The following ADAMTSL3 variants were observed in gnomAD, a reference collection of about 807,000 sequenced individuals.
ADAMTSL3 encodes the protein ADAMTS like 3.
A neutral mutation model predicts 201.7 loss-of-function variants in ADAMTSL3; 128 were observed. The observed-to-expected ratio is 0.63, with a 90% CI of 0.55 to 0.73. The LOEUF is 0.73. ADAMTSL3 is among the 30% of genes least tolerant of loss of function. The pLI is 0.00. For synonymous variants in ADAMTSL3, 738 were observed against 748.4 expected, an observed-to-expected ratio of 0.99 and a Z score of 0.23; for missense variants, 1,990 against 2,119.6, an observed-to-expected ratio of 0.94 and a Z score of 1.20.
At chr15:83,734,782 G>C (rs956012076) in intron 3 of ADAMTSL3, among the ~76,000 whole-genome samples, 2 of 152,082 alleles carry the variant, frequency 1.3e-5, no homozygotes, top group African/African-American at 4.8e-5. Context: ...GCCCCCAGGG[G>C]TCACTCTCAA....
At chr15:83,907,448 G>T (rs1225154722) in intron 15 of ADAMTSL3, among the ~76,000 whole-genome samples, 1 of 152,208 alleles carries the variant, frequency 6.6e-6, no homozygotes, top group Admixed American at 6.5e-5. Context: ...CTGTCACCCA[G>T]GCTGGAGTGC....
intron 9 of ADAMTSL3, among the ~76,000 whole-genome samples, chr15:83,883,704 G>C (rs972532068): frequency 4.0e-5 from 6 of 151,570 alleles, no homozygotes; most frequent in African/African-American, 1.2e-4. Context: ...TGGGACTACA[G>C]GTGCATGCCA....
At chr15:83,859,866 A>AT (rs1447566730) in intron 8 of ADAMTSL3, among the ~76,000 whole-genome samples, 3 of 152,188 alleles carry the variant, frequency 2.0e-5, no homozygotes, top group African/African-American at 7.2e-5. Flanking sequence ...CAAATAAACT[A>AT]TTTTTGTATA....
At position 83,982,878 on chromosome 15, in the gene ADAMTSL3, G is replaced by A. The variant is rs767615605; in HGVS notation, c.3250G>A (p.Val1084Ile). 1.6e-5 allele frequency: 26 copies of A among 1,613,934 alleles called. No individual in the cohort carries two copies. Among genetic ancestry groups the A allele is most frequent in the Middle Eastern group, 1.6e-4 (1 of 6,084 alleles). ...GAAGAATAAGCAGTTTGAAGCAGCA[G>A]TTAAACAAGGAGCATATAGCATGGA... ...ELKNKQFEAA[V>I]KQGAYSMDTA... Residue 1084 changes from valine to isoleucine, a missense_variant, in exon 21 of 30, where the codon GTT (valine) becomes ATT (isoleucine). Coordinates refer to ENST00000286744, the MANE Select transcript of ADAMTSL3 (RefSeq NM_207517.3).
Position 84,009,721 on chromosome 15 carries a change from G to A in ADAMTSL3, c.3974-4821G>A, listed in dbSNP as rs116601655. Among the ~76,000 whole-genome samples, 1,399 of 152,256 alleles carry A rather than the reference G, an allele frequency of 9.2e-3. 18 individuals are homozygous for A. The highest frequency in any genetic ancestry group is 0.03 in the African/African-American group (1,254 of 41,552). ...AACTAGAGTTGGTGAAAAGGTCACC[G>A]ACTCCTGAATCCTATCTGTGGACCC... On this transcript the variant is annotated intron_variant, in intron 23 of 29. Transcript: ENST00000286744.
At chr15:84,014,240 C>T (rs2068050437) in intron 23 of ADAMTSL3, among the ~76,000 whole-genome samples, 1 of 152,152 alleles carries the variant, frequency 6.6e-6, no homozygotes, top group South Asian at 2.1e-4. Flanking sequence ...ACTCCCACTA[C>T]CCTACCCACC....
chr15:83,847,042 A>G (rs2064512387), intron 7 of ADAMTSL3, among the ~76,000 whole-genome samples: 1 of 152,212 alleles, frequency 6.6e-6, no homozygotes, highest in African/African-American at 2.4e-5. Flanking sequence ...GTAAATAAAC[A>G]TACGTCAGGT....
intron 25 of ADAMTSL3, among the ~76,000 whole-genome samples, chr15:84,019,971 A>G (rs1036580263): frequency 2.6e-5 from 4 of 151,946 alleles, no homozygotes; most frequent in Non-Finnish European, 4.4e-5. Context: ...AAACTAATGT[A>G]TACTGATAGA....
At chr15:83,821,124 T>C (rs1006139525) in intron 6 of ADAMTSL3, among the ~76,000 whole-genome samples, 2 of 152,060 alleles carry the variant, frequency 1.3e-5, no homozygotes, top group Non-Finnish European at 2.9e-5. Flanking sequence ...GAGACAGGGA[T>C]GGCAGGGAAA....
intron 6 of ADAMTSL3, among the ~76,000 whole-genome samples, chr15:83,823,038 T>A (rs1195491399): frequency 6.6e-6 from 1 of 151,464 alleles, no homozygotes; most frequent in African/African-American, 2.4e-5. Context: ...ACCAAAAAAA[T>A]ACGAAAACCA....
intron 3 of ADAMTSL3, among the ~76,000 whole-genome samples, chr15:83,750,687 G>A (rs1263041242): frequency 6.6e-6 from 1 of 152,058 alleles, no homozygotes; most frequent in Non-Finnish European, 1.5e-5. Context: ...GAATAGCTGG[G>A]ACTACAGGCA....
At chr15:83,732,754 T>G (rs2062301379) in intron 3 of ADAMTSL3, among the ~76,000 whole-genome samples, 1 of 152,214 alleles carries the variant, frequency 6.6e-6, no homozygotes, top group Non-Finnish European at 1.5e-5. Context: ...ATTATCTTTC[T>G]ACCTCATACA....
Position 83,838,123 on chromosome 15 carries a change from C to G in ADAMTSL3, c.635C>G (p.Ala212Gly), listed in dbSNP as rs1596299283. 6.2e-7 allele frequency: 1 copy of G among 1,612,324 alleles called. No individual in the cohort carries two copies. The highest frequency in any genetic ancestry group is 2.2e-5 in the East Asian group (1 of 44,746). ...TGCGATCGGCAACTGGGAAGCAATG[C>G]CAAGGAGGACAACTGTGGAGTCTGT... ...VGCDRQLGSN[A>G]KEDNCGVCAG... The change falls in exon 7 of 30, where the codon GCC (alanine) becomes GGC (glycine). Residue 212 changes from alanine to glycine, a missense_variant. Coordinates refer to ENST00000286744, the MANE Select transcript of ADAMTSL3 (RefSeq NM_207517.3).
At position 83,922,670 on chromosome 15, in the gene ADAMTSL3, C is replaced by A. The variant is rs183266172; in HGVS notation, c.1988-1234C>A. ...ATGCAGATTTAATACTGCATCCTGC[C>A]ATGGCAGGGAACATAAAATTACAAC... is the stretch of plus-strand genomic sequence containing the variant. On this transcript the variant is annotated intron_variant, in intron 16 of 29. Coordinates refer to ENST00000286744, the MANE Select transcript of ADAMTSL3 (RefSeq NM_207517.3). Among the ~76,000 whole-genome samples, 266 of 152,270 alleles carry A rather than the reference C, an allele frequency of 1.7e-3. 6 individuals carry two copies. The East Asian group carries it at 0.049, about 28-fold the overall frequency.
intron 3 of ADAMTSL3, among the ~76,000 whole-genome samples, chr15:83,741,853 C>G (rs1389944764): frequency 6.6e-6 from 1 of 152,056 alleles, no homozygotes; most frequent in Non-Finnish European, 1.5e-5. Context: ...CAAAAATTAG[C>G]TAGACTACTT....
Position 83,789,690 on chromosome 15 carries a change from T to C in ADAMTSL3, c.318-14960T>C, listed in dbSNP as rs553988812. ...AGCTGGGATCTCAGCATTAAATACA[T>C]TAATTTGTATTTAATCCCTGTTTTC... On this transcript the variant is annotated intron_variant, in intron 4 of 29. Coordinates refer to ENST00000286744, the MANE Select transcript of ADAMTSL3 (RefSeq NM_207517.3). Among the ~76,000 whole-genome samples, 7 of 152,310 alleles carry C rather than the reference T, an allele frequency of 4.6e-5. No individual in the cohort carries two copies. In the South Asian group the frequency reaches 1.2e-3, roughly 27 times the overall value.
At chr15:83,789,174 T>A (rs2063307724) in intron 4 of ADAMTSL3, among the ~76,000 whole-genome samples, 1 of 152,314 alleles carries the variant, frequency 6.6e-6, no homozygotes, top group East Asian at 1.9e-4. Flanking sequence ...AGTTTTCTCT[T>A]TGTTCATTTG....
chr15:83,775,206 A>C (rs566172549), intron 4 of ADAMTSL3, among the ~76,000 whole-genome samples: 81 of 152,194 alleles, frequency 5.3e-4, no homozygotes, highest in Non-Finnish European at 1.1e-3. Flanking sequence ...CATGGGGGAG[A>C]AGTTTCCAGC....
chr15:83,792,748 A>C (rs190011911), intron 4 of ADAMTSL3, among the ~76,000 whole-genome samples: 83 of 151,780 alleles, frequency 5.5e-4, no homozygotes, highest in Non-Finnish European at 1.0e-3. Flanking sequence ...GTGCCACTGC[A>C]CACCATGCAC....
Sources: gnomAD v4.1 joint callset for allele counts (sites outside exome capture counted in the v4.1 genomes callset) on GRCh38, gnomAD v4.1.1 for gene constraint, MANE v1.5 for transcripts, NCBI Gene and HGNC (gene_info 2026-07-23, HGNC 2026-07-21) for gene names.